Variants in HGD observed in about 807,000 individuals in gnomAD.
The protein encoded by HGD is homogentisate oxidase.
HGD carries 61 observed loss-of-function variants against 60.8 expected under a neutral mutation model. The observed-to-expected ratio is 1.00, with a 90% CI of 0.82 to 1.24. The LOEUF (loss-of-function observed/expected upper bound fraction) is 1.24. Ranked by LOEUF, HGD falls within the 50% of genes most tolerant of loss-of-function variation. HGD has a pLI of 0.00. For missense variants in HGD, 542 were observed against 547.1 expected, an observed-to-expected ratio of 0.99 and a Z score of 0.09; for synonymous variants, 212 against 187.7, an observed-to-expected ratio of 1.13 and a Z score of -1.06.
intron 4 of HGD, among the ~76,000 whole-genome samples, chr3:120,655,750 G>C (rs991621277): frequency 5.9e-5 from 9 of 152,228 alleles, no homozygotes; most frequent in Non-Finnish European, 8.8e-5. Flanking sequence ...CAGACCAAAA[G>C]GAGAGTGCAC....
chr3:120,649,738 G>C (rs2551614), intron 6 of HGD, among the ~76,000 whole-genome samples: 88,743 of 151,970 alleles, frequency 0.58, 27,152 homozygotes, highest in East Asian at 0.81. Flanking sequence ...GTGCAGTGGC[G>C]CTACAGGGAA....
intron 11 of HGD, among the ~76,000 whole-genome samples, chr3:120,641,164 C>T (rs2075505): frequency 0.094 from 14,335 of 152,196 alleles, 755 homozygotes; most frequent in East Asian, 0.19. Flanking sequence ...GGAATGAAGG[C>T]ACTGGGGTGA....
chr3:120,674,917 T>C lies in HGD; in HGVS notation c.160A>G (p.Ser54Gly). The C allele has an allele frequency of 3.1e-6, 5 of 1,609,116 alleles. No homozygotes were observed. Among genetic ancestry groups the C allele is most frequent in the Non-Finnish European group, 4.3e-6 (5 of 1,175,736 alleles). The change falls in exon 3 of 14, where the codon AGC becomes GGC. Residue 54 changes from serine (S) to glycine (G), a missense_variant. Physicochemically the swap from Ser to Gly is moderately conservative, Grantham distance 56 (BLOSUM62 0). Transcript: ENST00000283871. ...TCCTTGTACCTTCTCTTATTGGTGCTCCGTGGACAAGTGAAAGCCGATCCT... is the reference window on the plus strand; with the variant it reads ...TCCTTGTACCTTCTCTTATTGGTGCCCCGTGGACAAGTGAAAGCCGATCCT... ...LSGSAFTCPR[S>G]TNKRSWLYRI...
At chr3:120,666,568 C>T (rs548738981) in intron 4 of HGD, among the ~76,000 whole-genome samples, 7 of 152,108 alleles carry the variant, frequency 4.6e-5, no homozygotes, top group African/African-American at 1.4e-4. Context: ...CCACAACCTC[C>T]GCCTCCTGGG....
rs1294624996 is a variant in HGD at position 120,650,793 on chromosome 3, T to C, written c.415A>G (p.Asn139Asp). Residue 139 changes from asparagine (N) to aspartate (D), a missense_variant, in exon 6 of 14, where the codon AAT becomes GAT. Around this residue, in one of 2 missense-constraint regions of HGD, gnomAD observed 537 missense variants for 529.1 expected, o/e 1.01. Transcript: ENST00000283871. ...NGLAIHIFLC[N>D]TSMENRCFYN... The stretch of plus-strand genomic sequence containing the variant: ...ACTTACCTGTTCTCCATGGAGGTAT[T>C]GCAGAGGAAAATGTGGATAGCAAGC... The C allele has an allele frequency of 1.2e-6, 2 of 1,613,704 alleles. No individual in the cohort carries two copies. Among genetic ancestry groups the C allele is most frequent in the African/African-American group, 1.3e-5 (1 of 74,922 alleles).
At chr3:120,678,612 G>A (rs1438374275) in intron 1 of HGD, among the ~76,000 whole-genome samples, 5 of 152,210 alleles carry the variant, frequency 3.3e-5, no homozygotes, top group African/African-American at 9.6e-5. Context: ...AGAAAGAACA[G>A]CTGATGGTTT....
At position 120,633,238 on chromosome 3, in the gene HGD, C is replaced by T. The variant is rs759101002; in HGVS notation, c.1097G>A (p.Ser366Asn). The T allele has an allele frequency of 2.9e-5, 46 of 1,614,028 alleles. No individual in the cohort carries two copies. The Admixed American group carries it at 7.5e-4, about 26-fold the overall frequency. ...GFLPGGGSLH[S>N]TMTPHGPDAD... ...ATCAGGTCCATGGGGGGTCATTGTG[C>T]TGTGTAGACTCCCTCCCCCTGGCAG... Residue 366 changes from serine to asparagine, a missense_variant, in exon 13 of 14, where the codon AGC becomes AAC. This residue lies in a region of HGD where 537 missense variants were observed against 529.1 expected (regional missense o/e 1.01). Coordinates refer to ENST00000283871, the MANE Select transcript of HGD (RefSeq NM_000187.4).
At chr3:120,638,693 A>G in intron 11 of HGD, 112 bp from the exon 12 acceptor site, 6 of 1,224,136 alleles carry the variant, frequency 4.9e-6, no homozygotes, top group South Asian at 3.9e-5. Context: ...TAATTTTTTT[A>G]TTTATTTTTA....
At chr3:120,680,062 G>A (rs1708205367) in intron 1 of HGD, among the ~76,000 whole-genome samples, 1 of 152,196 alleles carries the variant, frequency 6.6e-6, no homozygotes, top group African/African-American at 2.4e-5. Context: ...TGGTGGTGGG[G>A]CCCAGAGCCT....
chr3:120,654,334 C>T (rs989934622), intron 4 of HGD, among the ~76,000 whole-genome samples: 5 of 152,162 alleles, frequency 3.3e-5, no homozygotes, highest in African/African-American at 1.2e-4. Flanking sequence ...CATGGAGAGC[C>T]TTTGAGACCA....
chr3:120,649,199 A>G (rs1258582076), intron 6 of HGD, among the ~76,000 whole-genome samples: 1 of 139,248 alleles, frequency 7.2e-6, no homozygotes, highest in African/African-American at 2.7e-5. Context: ...CTGGAGTGCA[A>G]TGGCATGATC....
intron 4 of HGD, among the ~76,000 whole-genome samples, chr3:120,656,932 G>A (rs113007421): frequency 0.012 from 1,831 of 152,290 alleles, 46 homozygotes; most frequent in African/African-American, 0.042. Context: ...AAGGTAAAAT[G>A]TCAGTTCTTC....
At chr3:120,672,583 T>A (rs547330520) in intron 3 of HGD, among the ~76,000 whole-genome samples, 10 of 152,140 alleles carry the variant, frequency 6.6e-5, no homozygotes, top group Non-Finnish European at 1.5e-4. Flanking sequence ...GATTTCTCCA[T>A]CTCTTGATGA....
At chr3:120,646,118 G>T (rs1442117580) in intron 9 of HGD, 149 bp downstream of exon 9, 2 of 693,958 alleles carry the variant, frequency 2.9e-6, no homozygotes, top group African/African-American at 3.5e-5. Context: ...ATATTTTCTG[G>T]GAAGACACTT....
intron 6 of HGD, among the ~76,000 whole-genome samples, chr3:120,649,660 C>G (rs933365534): frequency 5.9e-5 from 9 of 152,148 alleles, no homozygotes; most frequent in Admixed American, 5.9e-4. Flanking sequence ...TTTGTTCTTC[C>G]CAACTGAAAG....
chr3:120,640,199 TAA>T (rs375297232), intron 11 of HGD, among the ~76,000 whole-genome samples: 2 of 31,148 alleles, frequency 6.4e-5, no homozygotes, highest in Non-Finnish European at 1.3e-4. Flanking sequence ...AAATAAAAGT[TAA>T]AAAAAAAAAA....
chr3:120,669,478 C>T (rs1174668825), intron 4 of HGD, among the ~76,000 whole-genome samples: 1 of 151,816 alleles, frequency 6.6e-6, no homozygotes, highest in African/African-American at 2.4e-5. Context: ...CACACACACA[C>T]ACACACACGC....
chr3:120,638,689 TTTTA>T (rs1418063782), intron 11 of HGD, 108 bp from the exon 12 acceptor site: 35 of 1,214,446 alleles, frequency 2.9e-5, no homozygotes, highest in Admixed American at 3.8e-5. Flanking sequence ...ATTCTAATTT[TTTTA>T]TTTATTTTTA....
At chr3:120,677,509 C>T (rs548992242) in intron 1 of HGD, among the ~76,000 whole-genome samples, 80 of 152,246 alleles carry the variant, frequency 5.3e-4, no homozygotes, top group Non-Finnish European at 8.7e-4. Flanking sequence ...AGGAAATTCC[C>T]GCCTAATAAA....
Sources: allele counts gnomAD v4.1 joint callset (sites outside exome capture counted in the v4.1 genomes callset), GRCh38; gene constraint gnomAD v4.1.1; regional missense constraint gnomAD v4.1.1; transcripts MANE v1.5; gene names NCBI Gene and HGNC (gene_info 2026-07-23, HGNC 2026-07-21).